The following BRMS1L variants were observed in gnomAD, a reference collection of about 807,000 sequenced individuals.
BRMS1L encodes breast cancer metastasis-suppressor 1-like protein.
A neutral mutation model predicts 50.3 loss-of-function variants in BRMS1L; 23 were observed. The ratio of observed to expected loss-of-function variants is 0.46; its 90% CI spans 0.33 to 0.65. The LOEUF (loss-of-function observed/expected upper bound fraction) is 0.65, where lower values mean the gene tolerates loss of function less well. Among genes scored for constraint, BRMS1L ranks in the 30% least tolerant of loss-of-function variants. BRMS1L has a pLI of 0.02. For missense variants in BRMS1L, 286 were observed against 386.1 expected, an observed-to-expected ratio of 0.74 and a Z score of 2.17; for synonymous variants, 114 against 126.9, an observed-to-expected ratio of 0.90 and a Z score of 0.69.
At chr14:35,864,279 T>A (rs572379803) in intron 6 of BRMS1L, among the ~76,000 whole-genome samples, 1 of 152,296 alleles carries the variant, frequency 6.6e-6, no homozygotes, top group East Asian at 1.9e-4. Flanking sequence ...TTTTTCTTTT[T>A]GAGACAGGGT....
intron 3 of BRMS1L, 122 bp downstream of exon 3, chr14:35,833,227 T>C: frequency 9.6e-7 from 1 of 1,041,742 alleles, no homozygotes. Context: ...TCGACCAGAA[T>C]ATTTTACTTT....
chr14:35,846,738 T>A (rs1392286596), intron 4 of BRMS1L, among the ~76,000 whole-genome samples: 1 of 152,234 alleles, frequency 6.6e-6, no homozygotes, highest in Non-Finnish European at 1.5e-5. Flanking sequence ...ATTTAAGTGA[T>A]GTCTTCCAGT....
intron 9 of BRMS1L, 127 bp from the exon 10 acceptor site, chr14:35,870,233 A>C: frequency 1.7e-6 from 1 of 588,088 alleles, no homozygotes. Context: ...CATTCTGGTA[A>C]ATGACAATTA....
At chr14:35,863,353 G>A (rs1183390648) in intron 5 of BRMS1L, among the ~76,000 whole-genome samples, 1 of 152,120 alleles carries the variant, frequency 6.6e-6, no homozygotes, top group Non-Finnish European at 1.5e-5. Context: ...TGAGTGGAAG[G>A]TCTACTAGGT....
rs916799966 is a variant in BRMS1L, at chr14:35,870,907, A to G, written c.*430A>G. On this transcript the variant is annotated 3_prime_UTR_variant, in exon 10 of 10. Transcript: ENST00000216807. ...TCCTATAAATGGTTTGTACTAGTAC[A>G]TTAGTGTTAAACCAGAACTGAAATT... 1 of 154,010 alleles carries G rather than the reference A, an allele frequency of 6.5e-6. No homozygotes were observed. Among genetic ancestry groups the G allele is most frequent in the Non-Finnish European group, 1.4e-5 (1 of 69,180 alleles). 9.5% of individuals were successfully genotyped at this position (154,010 alleles called of 1,614,324 possible).
intron 4 of BRMS1L, among the ~76,000 whole-genome samples, chr14:35,850,311 G>A (rs184243848): frequency 2.0e-4 from 30 of 151,274 alleles, no homozygotes; most frequent in African/African-American, 7.0e-4. Flanking sequence ...GGGTTCAAGC[G>A]ATTCCCCTGC....
chr14:35,848,988 G>A (rs2078173666), intron 4 of BRMS1L, among the ~76,000 whole-genome samples: 1 of 152,000 alleles, frequency 6.6e-6, no homozygotes, highest in Non-Finnish European at 1.5e-5. Context: ...ACCTAGAAGT[G>A]GAATTGCTGG....
chr14:35,870,149 T>C (rs971443818), intron 9 of BRMS1L, among the ~76,000 whole-genome samples: 1 of 151,954 alleles, frequency 6.6e-6, no homozygotes, highest in African/African-American at 2.4e-5. Context: ...TTACGAACTC[T>C]ATTAAGAAAA....
At chr14:35,831,939 T>C (rs1465546535) in intron 2 of BRMS1L, among the ~76,000 whole-genome samples, 1 of 151,794 alleles carries the variant, frequency 6.6e-6, no homozygotes, top group Admixed American at 6.6e-5. Flanking sequence ...AAAAAATTAG[T>C]TCTGTCCTGC....
At chr14:35,856,676 A>T (rs2078284421) in intron 4 of BRMS1L, among the ~76,000 whole-genome samples, 1 of 151,696 alleles carries the variant, frequency 6.6e-6, no homozygotes, top group Admixed American at 6.6e-5. Context: ...TAGTGGCGCG[A>T]TCTTAGCTCA....
intron 6 of BRMS1L, among the ~76,000 whole-genome samples, chr14:35,864,460 C>T (rs1245272150): frequency 6.6e-6 from 1 of 152,054 alleles, no homozygotes; most frequent in Non-Finnish European, 1.5e-5. Context: ...GGGGTTTTGC[C>T]GTGTTGCCCA....
At position 35,862,869 on chromosome 14, in the gene BRMS1L, C is replaced by T. The variant is rs189282385; in HGVS notation, c.538+183C>T. Among the ~76,000 whole-genome samples the T allele has an allele frequency of 3.9e-3, 600 of 152,294 alleles. 8 individuals carry two copies. Among genetic ancestry groups the T allele is most frequent in the African/African-American group, 0.014 (580 of 41,568 alleles). On this transcript the variant is annotated intron_variant, in intron 5 of 9. Transcript: ENST00000216807. Reference sequence around the variant, plus strand: ...ATTGTTATTGTTATTTGAATTCACACTTTAGAAAGATGTAAAAAATGGAGC... The same window carrying T: ...ATTGTTATTGTTATTTGAATTCACATTTTAGAAAGATGTAAAAAATGGAGC...
intron 1 of BRMS1L, chr14:35,829,656 G>A: frequency 3.1e-6 from 1 of 320,868 alleles, no homozygotes. Flanking sequence ...CATCTTGAGG[G>A]ACCAAGTTTT....
intron 2 of BRMS1L, 134 bp downstream of exon 2, chr14:35,831,634 C>T (rs2077920552): frequency 1.5e-6 from 1 of 658,206 alleles, no homozygotes; most frequent in Non-Finnish European, 2.6e-6. Context: ...GAGGCTTCAA[C>T]TATTGTTTGT....
chr14:35,851,781 G>A (rs2078214574), intron 4 of BRMS1L, among the ~76,000 whole-genome samples: 2 of 152,202 alleles, frequency 1.3e-5, no homozygotes, highest in Non-Finnish European at 2.9e-5. Flanking sequence ...CACCGTATGA[G>A]CCAGCAACCC....
intron 4 of BRMS1L, among the ~76,000 whole-genome samples, chr14:35,840,845 C>T (rs2078054019): frequency 6.6e-6 from 1 of 152,016 alleles, no homozygotes; most frequent in Non-Finnish European, 1.5e-5. Context: ...GAGTCTCTTT[C>T]TCCTTCAGTT....
At chr14:35,864,747 T>G (rs1318970621) in intron 6 of BRMS1L, among the ~76,000 whole-genome samples, 188 bp from the exon 7 acceptor site, 1 of 152,192 alleles carries the variant, frequency 6.6e-6, no homozygotes, top group Non-Finnish European at 1.5e-5. Flanking sequence ...CATGTAGTTA[T>G]GACATCAGAA....
intron 2 of BRMS1L, among the ~76,000 whole-genome samples, 174 bp downstream of exon 2, chr14:35,831,674 G>A (rs2077921067): frequency 6.6e-6 from 1 of 152,174 alleles, no homozygotes; most frequent in Non-Finnish European, 1.5e-5. Context: ...CTAAACTGAG[G>A]GTTTGGAGGC....
chr14:35,851,728 T>C (rs1234244332), intron 4 of BRMS1L, among the ~76,000 whole-genome samples: 1 of 152,212 alleles, frequency 6.6e-6, no homozygotes, highest in Non-Finnish European at 1.5e-5. Context: ...GCAGCCATTT[T>C]GGAAAACAGT....
Sources: gnomAD v4.1 joint callset for allele counts (sites outside exome capture counted in the v4.1 genomes callset) on GRCh38, gnomAD v4.1.1 for gene constraint, MANE v1.5 for transcripts, NCBI Gene and HGNC (gene_info 2026-07-23, HGNC 2026-07-21) for gene names.